The following YTHDC1 variants were observed in gnomAD, a reference collection of about 807,000 sequenced individuals.
The protein encoded by YTHDC1 is YTH N6-methyladenosine RNA binding protein C1, also known as YTH domain-containing protein 1.
YTHDC1 carries 12 observed loss-of-function variants against 107.0 expected under a neutral mutation model. The ratio of observed to expected loss-of-function variants is 0.11; its 90% CI spans 0.07 to 0.18. The LOEUF is 0.18. Among genes scored for constraint, YTHDC1 ranks in the 10% least tolerant of loss-of-function variants. The pLI is 1.00. For synonymous variants in YTHDC1, 280 were observed against 289.5 expected, an observed-to-expected ratio of 0.97 and a Z score of 0.33; for missense variants, 635 against 898.8, an observed-to-expected ratio of 0.71 and a Z score of 3.75.
rs1220206560 is a variant in YTHDC1 at position 68,322,829 on chromosome 4, C to T, written c.1521G>A (p.Met507Ile). 1.9e-6 allele frequency: 3 copies of T among 1,614,060 alleles called. No homozygotes were observed. The highest frequency in any genetic ancestry group is 2.5e-6 in the Non-Finnish European group (3 of 1,180,036). The change falls in exon 11 of 17, where the codon ATG becomes ATA. Residue 507 changes from methionine to isoleucine, a missense_variant. Around this residue, in one of 5 missense-constraint regions of YTHDC1, gnomAD observed 256 missense variants for 372.9 expected, o/e 0.69. Coordinates refer to ENST00000344157, the MANE Select transcript of YTHDC1 (RefSeq NM_001031732.4). This position sits in a 1 kb window ranked among gnomAD's most constrained non-coding sequence, Gnocchi z 4.8. ...SIDLYQVIHK[M>I]RHKRRMHSQP... Reference sequence around the variant, plus strand: ...GAGAATGCATTCTTCTCTTGTGACGCATTTTATGAATGACCTGATACAAGT... The same window carrying T: ...GAGAATGCATTCTTCTCTTGTGACGTATTTTATGAATGACCTGATACAAGT...
intron 1 of YTHDC1, among the ~76,000 whole-genome samples, chr4:68,345,838 A>G (rs181874922): frequency 9.9e-4 from 151 of 152,140 alleles, no homozygotes; most frequent in African/African-American, 3.5e-3. Flanking sequence ...AGATACACAA[A>G]TATTTCCCAT....
At chr4:68,335,956 C>T (rs1242880610) in intron 4 of YTHDC1, among the ~76,000 whole-genome samples, 1 of 149,372 alleles carries the variant, frequency 6.7e-6, no homozygotes, top group Non-Finnish European at 1.5e-5. Flanking sequence ...ATCTGCTCTA[C>T]CTATACTGTA....
At chr4:68,349,541 T>A (rs185096435) in intron 1 of YTHDC1, among the ~76,000 whole-genome samples, 185 bp downstream of exon 1, 1 of 150,864 alleles carries the variant, frequency 6.6e-6, no homozygotes, top group Non-Finnish European at 1.5e-5. Context: ...ATATGGAGAC[T>A]GAGGACGAAA....
chr4:68,314,457 G>A (rs181735238), intron 16 of YTHDC1, 134 bp from the exon 17 acceptor site: 489 of 701,904 alleles, frequency 7.0e-4, no homozygotes, highest in Non-Finnish European at 9.1e-4. Flanking sequence ...TATAATCGGC[G>A]GAGAGAACAA....
intron 16 of YTHDC1, 39 bp from the exon 17 acceptor site, chr4:68,314,362 G>A (rs1721584124): frequency 6.3e-7 from 1 of 1,599,940 alleles, no homozygotes; most frequent in Non-Finnish European, 8.5e-7. Context: ...TGTCAAAAAG[G>A]CAAATAGTGT....
intron 1 of YTHDC1, among the ~76,000 whole-genome samples, chr4:68,342,364 G>T (rs1724903820): frequency 6.6e-6 from 1 of 152,138 alleles, no homozygotes; most frequent in African/African-American, 2.4e-5. Context: ...CGAGTAGGCA[G>T]ATCTTTTACA....
intron 1 of YTHDC1, among the ~76,000 whole-genome samples, chr4:68,346,100 T>TATATATAC (rs144743953): frequency 0.031 from 4,156 of 133,950 alleles, 74 homozygotes; most frequent in East Asian, 0.042. Flanking sequence ...TATATATATA[T>TATATATAC]ACACACACAC....
intron 1 of YTHDC1, among the ~76,000 whole-genome samples, chr4:68,340,493 T>A (rs976893453): frequency 3.3e-5 from 5 of 152,056 alleles, no homozygotes; most frequent in African/African-American, 1.2e-4. Context: ...TAGATTCATG[T>A]TTTTGCTAAG....
At chr4:68,341,841 A>G (rs1724835292) in intron 1 of YTHDC1, among the ~76,000 whole-genome samples, 1 of 152,162 alleles carries the variant, frequency 6.6e-6, no homozygotes, top group Non-Finnish European at 1.5e-5. Flanking sequence ...TGAGTTCAAG[A>G]TTCTTCACCT....
At position 68,313,515 on chromosome 4, in the gene YTHDC1, T is replaced by C. The variant is rs1721474310; in HGVS notation, c.*584A>G. 6.5e-6 allele frequency: 1 copy of C among 152,832 alleles called. No individual in the cohort carries two copies. 9.5% of individuals were successfully genotyped at this position (152,832 alleles called of 1,614,324 possible). A position where few individuals can be genotyped will look rare whatever the true frequency, so the allele number is the denominator to read the frequency against. On this transcript the variant is annotated 3_prime_UTR_variant, in exon 17 of 17. Coordinates refer to ENST00000344157, the MANE Select transcript of YTHDC1 (RefSeq NM_001031732.4). ...TCATTTAAAAAGATTAAAAATTAGA[T>C]AGCAATGTCTTCTTAATATTGCTCT...
intron 15 of YTHDC1, among the ~76,000 whole-genome samples, chr4:68,317,456 C>T (rs1477144827): frequency 6.6e-6 from 1 of 152,070 alleles, no homozygotes; most frequent in East Asian, 1.9e-4. Flanking sequence ...TAACATATTG[C>T]ATTTAAAAAA....
In YTHDC1 at chr4:68,330,077, G is replaced by A. The variant is rs1420960385; in HGVS notation, c.1274C>T (p.Pro425Leu). 1 of 1,613,718 alleles carries A rather than the reference G, an allele frequency of 6.2e-7. No individual in the cohort carries two copies. The highest frequency in any genetic ancestry group is 8.5e-7 in the Non-Finnish European group (1 of 1,179,742). Residue 425 changes from proline (P) to leucine (L), a missense_variant, in exon 9 of 17, where the codon CCT (proline) becomes CTT (leucine). Around this residue, in one of 5 missense-constraint regions of YTHDC1, gnomAD observed 60 missense variants for 172.0 expected, o/e 0.35. Coordinates refer to ENST00000344157, the MANE Select transcript of YTHDC1 (RefSeq NM_001031732.4). Reference protein sequence around the residue: ...LSSESHHGGSPIHWVLPAGMS... With the variant: ...LSSESHHGGSLIHWVLPAGMS... Reference sequence around the variant, plus strand: ...TCCTGCTGGAAGCACCCAGTGTATAGGAGATCCTCCGTGATGTGATTCTGA... The same window carrying A: ...TCCTGCTGGAAGCACCCAGTGTATAAGAGATCCTCCGTGATGTGATTCTGA...
At chr4:68,315,464 C>A (rs1328336309) in intron 16 of YTHDC1, among the ~76,000 whole-genome samples, 2 of 152,174 alleles carry the variant, frequency 1.3e-5, no homozygotes, top group African/African-American at 4.8e-5. Flanking sequence ...ACAGACTCAT[C>A]AACCTAAGTA....
At chr4:68,317,818 T>C (rs1722025930) in intron 15 of YTHDC1, among the ~76,000 whole-genome samples, 1 of 152,218 alleles carries the variant, frequency 6.6e-6, no homozygotes, top group Non-Finnish European at 1.5e-5. Context: ...GCACAGTGCC[T>C]TGCACAGAGT....
intron 1 of YTHDC1, among the ~76,000 whole-genome samples, chr4:68,340,358 T>C (rs1014044150): frequency 1.3e-5 from 2 of 152,172 alleles, no homozygotes; most frequent in African/African-American, 4.8e-5. Flanking sequence ...GTACCAATGC[T>C]GATATGTACT....
At chr4:68,314,553 TACA>T (rs1209826010) in intron 16 of YTHDC1, among the ~76,000 whole-genome samples, 1 of 152,246 alleles carries the variant, frequency 6.6e-6, no homozygotes, top group Non-Finnish European at 1.5e-5. Context: ...ATTAGACATC[TACA>T]ACAGATTATT....
rs1723745473 is a variant in YTHDC1, at chr4:68,332,857, G to C, written c.974-10C>G. 3 of 1,611,890 alleles carry C rather than the reference G, an allele frequency of 1.9e-6. No individual in the cohort carries two copies. The South Asian group carries it at 3.3e-5, about 18-fold the overall frequency. ...TGCTTCTTTTCTGAACCTGTATTTA[G>C]CCAAAGTACATTTGTTCAGATTGAG... On this transcript the variant is annotated splice_polypyrimidine_tract_variant and intron_variant, in intron 5 of 16. Transcript: ENST00000344157.
intron 1 of YTHDC1, among the ~76,000 whole-genome samples, chr4:68,341,164 A>C (rs1724761637): frequency 6.6e-6 from 1 of 152,190 alleles, no homozygotes; most frequent in Admixed American, 6.5e-5. Flanking sequence ...CAAATGTTCC[A>C]GTTGACCAAA....
At chr4:68,348,161 A>G (rs1725656507) in intron 1 of YTHDC1, among the ~76,000 whole-genome samples, 1 of 152,174 alleles carries the variant, frequency 6.6e-6, no homozygotes. Context: ...AACTTTTAAA[A>G]TCATCTACTT....
Sources: gnomAD v4.1 joint callset for allele counts (sites outside exome capture counted in the v4.1 genomes callset) on GRCh38, gnomAD v4.1.1 for gene constraint, gnomAD v4.1.1 regional missense constraint, Gnocchi (gnomAD v3.1) non-coding constraint, MANE v1.5 for transcripts, NCBI Gene and HGNC (gene_info 2026-07-23, HGNC 2026-07-21) for gene names.